The following CCDC77 variants were observed in gnomAD, a reference collection of about 807,000 sequenced individuals.
The protein encoded by CCDC77 is coiled-coil domain-containing protein 77.
CCDC77 carries 56 observed loss-of-function variants against 66.8 expected under a neutral mutation model. The observed-to-expected ratio is 0.84, with a 90% CI of 0.68 to 1.05. CCDC77 has a LOEUF of 1.05. Ranked by LOEUF, CCDC77 falls within the 50% of genes least tolerant of loss-of-function variation. The pLI is 0.00. For missense variants in CCDC77, 570 were observed against 576.8 expected, an observed-to-expected ratio of 0.99 and a Z score of 0.12; for synonymous variants, 196 against 195.2, an observed-to-expected ratio of 1.00 and a Z score of -0.03.
chr12:396,946 AC>A (rs1944836136), upstream of CCDC77, among the ~76,000 whole-genome samples: 1 of 152,140 alleles, frequency 6.6e-6, no homozygotes, highest in Non-Finnish European at 1.5e-5. Context: ...TCGCTCTGTC[AC>A]CCAGGCTGGA....
chr12:409,119 C>T (rs989996339), intron 2 of CCDC77, among the ~76,000 whole-genome samples: 11 of 151,440 alleles, frequency 7.3e-5, no homozygotes, highest in African/African-American at 1.2e-4. Context: ...GCAGGAGAAT[C>T]GCTTGAACCC....
chr12:405,168 T>C (rs1944969629), intron 1 of CCDC77, among the ~76,000 whole-genome samples: 1 of 152,246 alleles, frequency 6.6e-6, no homozygotes, highest in African/African-American at 2.4e-5. Flanking sequence ...GAAAACATTA[T>C]GCTAAGTGAA....
intron 3 of CCDC77, 89 bp downstream of exon 3, chr12:409,510 C>T (rs898561955): frequency 3.2e-6 from 4 of 1,256,848 alleles, no homozygotes; most frequent in Non-Finnish European, 4.6e-6. Flanking sequence ...GTATTGGAAA[C>T]ATATTTCCTA....
chr12:440,596 T>C (rs1249834229), intron 10 of CCDC77, 21 bp from the exon 11 acceptor site: 3 of 1,612,856 alleles, frequency 1.9e-6, no homozygotes, highest in Non-Finnish European at 2.5e-6. Context: ...TGTTAATGTT[T>C]TTTGTCCCTT....
chr12:439,567 T>A (rs1238546806), intron 10 of CCDC77, among the ~76,000 whole-genome samples: 1 of 148,130 alleles, frequency 6.8e-6, no homozygotes, highest in East Asian at 2.0e-4. Context: ...GATCACGAGG[T>A]CAGGAGTTCG....
intron 7 of CCDC77, 65 bp from the exon 8 acceptor site, chr12:431,801 A>G (rs1309622518): frequency 1.4e-5 from 14 of 1,027,124 alleles, no homozygotes; most frequent in Non-Finnish European, 2.1e-5. Context: ...GGAAATACTG[A>G]TATTTCAATA....
intron 10 of CCDC77, among the ~76,000 whole-genome samples, chr12:440,087 C>G (rs1945831813): frequency 6.6e-6 from 1 of 152,144 alleles, no homozygotes; most frequent in Non-Finnish European, 1.5e-5. Context: ...GTGGTATGCT[C>G]TTTAAGAAGC....
intron 3 of CCDC77, 117 bp from the exon 4 acceptor site, chr12:411,630 T>C: frequency 1.2e-6 from 1 of 860,790 alleles, no homozygotes; most frequent in African/African-American, 1.7e-5. Context: ...ACTTCCAAAT[T>C]TATGAGCACC....
At chr12:404,725 T>C (rs1389585805) in intron 1 of CCDC77, among the ~76,000 whole-genome samples, 2 of 151,270 alleles carry the variant, frequency 1.3e-5, no homozygotes, top group Non-Finnish European at 3.0e-5. Flanking sequence ...AAATTACTTT[T>C]TTTTTTTTTT....
Position 433,327 on chromosome 12 carries a change from G to C in CCDC77, c.821+5G>C, listed in dbSNP as rs777359807. On this transcript the variant is annotated splice_donor_5th_base_variant and intron_variant, in intron 9 of 12. Transcript: ENST00000239830. The stretch of plus-strand genomic sequence containing the variant: ...AATCAAAGAGCTAACCAAAAAGTGA[G>C]TGTCTAAGAAAGCTGTACCTAACGG... The C allele has an allele frequency of 6.2e-7, 1 of 1,613,718 alleles. No individual in the cohort carries two copies. The highest frequency in any genetic ancestry group is 2.2e-5 in the East Asian group (1 of 44,876).
chr12:427,332 A>G (rs1945554748), intron 5 of CCDC77, among the ~76,000 whole-genome samples: 1 of 151,358 alleles, frequency 6.6e-6, no homozygotes, highest in Non-Finnish European at 1.5e-5. Context: ...CCTCTTTTCC[A>G]TCTTTGACTT....
intron 1 of CCDC77, among the ~76,000 whole-genome samples, chr12:403,698 C>T (rs1944939467): frequency 6.6e-6 from 1 of 152,154 alleles, no homozygotes. Context: ...CACCATGTTG[C>T]CCAGGCTGGT....
intron 5 of CCDC77, among the ~76,000 whole-genome samples, chr12:424,469 A>G (rs1401637353): frequency 6.7e-6 from 1 of 150,352 alleles, no homozygotes. Context: ...ATGCACCACT[A>G]TGCCTGGCTA....
chr12:395,663 G>A (rs941809976), intron 1 of CCDC77, among the ~76,000 whole-genome samples: 3 of 152,222 alleles, frequency 2.0e-5, no homozygotes, highest in African/African-American at 7.2e-5. Context: ...GGAGGCCGAG[G>A]TGGGTAGATT....
At chr12:409,308 T>C in intron 2 of CCDC77, 60 bp from the exon 3 acceptor site, 1 of 1,181,902 alleles carries the variant, frequency 8.5e-7, no homozygotes, top group Admixed American at 1.7e-5. Context: ...AGTCTAATCC[T>C]GTACTGTTTT....
At position 428,755 on chromosome 12, in the gene CCDC77, C is replaced by T; in HGVS notation, c.414-14C>T. The T allele has an allele frequency of 6.4e-7, 1 of 1,568,824 alleles. No homozygotes were observed. The highest frequency in any genetic ancestry group is 8.7e-7 in the Non-Finnish European group (1 of 1,148,472). On this transcript the variant is annotated splice_polypyrimidine_tract_variant and intron_variant, in intron 5 of 12. Transcript: ENST00000239830. ...CATTTAATAATATGTGCTTGCTTTC[C>T]ATGAGAATTGCAGGGAGCTAGAAGA...
chr12:397,116 G>T (rs926810769), upstream of CCDC77, among the ~76,000 whole-genome samples: 10 of 149,568 alleles, frequency 6.7e-5, no homozygotes, highest in South Asian at 2.3e-4. Context: ...GCTCATGCCT[G>T]TAATCCCACC....
intron 5 of CCDC77, among the ~76,000 whole-genome samples, chr12:427,099 G>T (rs961000077): frequency 6.6e-6 from 1 of 152,106 alleles, no homozygotes; most frequent in Non-Finnish European, 1.5e-5. Flanking sequence ...ACAAAAATTA[G>T]CTGGGCATTG....
intron 4 of CCDC77, among the ~76,000 whole-genome samples, chr12:417,728 A>C (rs1318431191): frequency 6.6e-6 from 1 of 152,114 alleles, no homozygotes; most frequent in Non-Finnish European, 1.5e-5. Context: ...AGCCTGGCCA[A>C]AATGGTGAAA....
Sources: gnomAD v4.1 joint callset for allele counts (sites outside exome capture counted in the v4.1 genomes callset) on GRCh38, gnomAD v4.1.1 for gene constraint, MANE v1.5 for transcripts, NCBI Gene and HGNC (gene_info 2026-07-23, HGNC 2026-07-21) for gene names.